The following JAG1 variants were observed in gnomAD, a reference collection of about 807,000 sequenced individuals.
JAG1 encodes the protein protein jagged-1.
JAG1 carries 23 observed loss-of-function variants against 148.7 expected under a neutral mutation model. The observed-to-expected ratio is 0.15, with a 90% CI of 0.11 to 0.22. The LOEUF is 0.22. JAG1 is among the 10% of genes least tolerant of loss of function. JAG1 has a pLI of 1.00. For synonymous variants in JAG1, 572 were observed against 598.3 expected, an observed-to-expected ratio of 0.96 and a Z score of 0.64; for missense variants, 1,054 against 1,611.2, an observed-to-expected ratio of 0.65 and a Z score of 5.92.
At chr20:10,655,900 A>C (rs1157466748) in intron 5 of JAG1, among the ~76,000 whole-genome samples, 1 of 152,146 alleles carries the variant, frequency 6.6e-6, no homozygotes, top group African/African-American at 2.4e-5. Context: ...AACTGACAAG[A>C]TTCCAGGGCA....
At chr20:10,650,622 G>T in intron 8 of JAG1, 1 of 486,072 alleles carries the variant, frequency 2.1e-6, no homozygotes, top group South Asian at 2.1e-5. Flanking sequence ...CGGAGCATCC[G>T]CCCAGGAGGA....
intron 5 of JAG1, among the ~76,000 whole-genome samples, chr20:10,654,902 G>A (rs2122618171): frequency 6.6e-6 from 1 of 152,346 alleles, no homozygotes; most frequent in South Asian, 2.1e-4. Flanking sequence ...GGCCTCCGCT[G>A]ATATCCATCT....
At chr20:10,652,069 T>C (rs2067350533) in intron 7 of JAG1, 62 bp downstream of exon 7, 10 of 1,593,162 alleles carry the variant, frequency 6.3e-6, no homozygotes, top group Non-Finnish European at 7.7e-6. Flanking sequence ...TTAAGTATAT[T>C]TTTTAAAAGC....
intron 7 of JAG1, 109 bp from the exon 8 acceptor site, chr20:10,651,803 A>G: frequency 1.3e-6 from 1 of 761,478 alleles, no homozygotes; most frequent in Non-Finnish European, 2.3e-6. Context: ...AGCATATTTC[A>G]AAAACCAAAA....
intron 2 of JAG1, among the ~76,000 whole-genome samples, chr20:10,666,767 A>C (rs2067456698): frequency 6.6e-6 from 1 of 152,204 alleles, no homozygotes; most frequent in Non-Finnish European, 1.5e-5. Context: ...GCTGGTTCCC[A>C]TTCTGGTGTG....
At chr20:10,642,701 A>T in intron 20 of JAG1, 100 bp from the exon 21 acceptor site, 1 of 774,174 alleles carries the variant, frequency 1.3e-6, no homozygotes, top group Non-Finnish European at 2.3e-6. Context: ...TATCATCATA[A>T]GCTTGATGAA....
At chr20:10,663,905 G>A in intron 3 of JAG1, 58 bp downstream of exon 3, 1 of 1,373,634 alleles carries the variant, frequency 7.3e-7, no homozygotes, top group East Asian at 2.3e-5. Flanking sequence ...CCAACTGGTT[G>A]GCCAAGCCCC....
At chr20:10,647,130 AC>A in intron 13 of JAG1, 27 bp from the exon 14 acceptor site, 1 of 1,613,984 alleles carries the variant, frequency 6.2e-7, no homozygotes, top group Non-Finnish European at 8.5e-7. Context: ...GGATCAGATC[AC>A]AGCCATGCAC....
intron 4 of JAG1, among the ~76,000 whole-genome samples, chr20:10,657,363 A>G (rs892913952): frequency 9.2e-5 from 14 of 151,808 alleles, no homozygotes; most frequent in Admixed American, 2.6e-4. Context: ...AAAAAAAAAA[A>G]AACACCAAAC....
chr20:10,644,527 C>A (rs544785767), intron 18 of JAG1, 143 bp from the exon 19 acceptor site: 2 of 729,188 alleles, frequency 2.7e-6, no homozygotes, highest in Non-Finnish European at 5.0e-6. Flanking sequence ...TAAATTGGAA[C>A]CAGGCCCGCA....
chr20:10,672,567 ACCCCTAGAGATTT>A (rs1444125666), intron 2 of JAG1, 121 bp downstream of exon 2: 22 of 898,720 alleles, frequency 2.4e-5, no homozygotes, highest in Non-Finnish European at 3.7e-5. Flanking sequence ...CTCACCCGCC[ACCCCTAGAGATTT>A]CCCCAGTTAG....
chr20:10,653,819 G>A (rs1185310625), intron 5 of JAG1, among the ~76,000 whole-genome samples: 2 of 152,094 alleles, frequency 1.3e-5, no homozygotes, highest in Non-Finnish European at 2.9e-5. Context: ...AATCACCCAC[G>A]GCTGAGAGTC....
intron 14 of JAG1, chr20:10,646,371 A>T (rs187363342): frequency 4.0e-5 from 18 of 446,456 alleles, no homozygotes; most frequent in African/African-American, 3.0e-4. Context: ...ACCTAGCAAC[A>T]TTCCAGAATG....
In JAG1 at chr20:10,645,469, T is replaced by A. The variant is rs2067302387; in HGVS notation, c.2000A>T (p.Asn667Ile). ...GGGGTTCTGGCTGCAGTCATTAATA[T>A]CTAGAATCAAAGGGGAGACAATCGG... ...DGWEGAYCET[N>I]INDCSQNPCH... Residue 667 changes from asparagine (N) to isoleucine (I), a missense_variant and splice_region_variant, in exon 16 of 26, where the codon AAT (asparagine) becomes ATT (isoleucine). By Grantham distance (149) the Asn-to-Ile change is moderately radical. This residue lies in a region of JAG1 where 35 missense variants were observed against 99.7 expected (regional missense o/e 0.35). Transcript: ENST00000254958. This position sits in a 1 kb window ranked among gnomAD's most constrained non-coding sequence, Gnocchi z 6.1. The A allele has an allele frequency of 6.2e-7, 1 of 1,612,436 alleles. No homozygotes were observed. Among genetic ancestry groups the A allele is most frequent in the African/African-American group, 1.3e-5 (1 of 74,852 alleles).
At chr20:10,643,958 G>A (rs1287178428) in intron 19 of JAG1, 95 bp from the exon 20 acceptor site, 3 of 923,866 alleles carry the variant, frequency 3.2e-6, no homozygotes, top group Admixed American at 3.8e-5. Context: ...ACAGTCAGTG[G>A]CTCTCACCCC....
intron 3 of JAG1, 74 bp from the exon 4 acceptor site, chr20:10,658,796 A>G: frequency 1.4e-6 from 2 of 1,480,132 alleles, no homozygotes; most frequent in Admixed American, 1.7e-5. Context: ...GCTTTTTAAA[A>G]TAAAAACATA....
chr20:10,645,225 G>A lies in JAG1; in HGVS notation c.2145C>T (p.Asn715=). 1 of 1,614,012 alleles carries A rather than the reference G, an allele frequency of 6.2e-7. No homozygotes were observed. The highest frequency in any genetic ancestry group is 1.7e-5 in the Admixed American group (1 of 59,908). Residue 715 remains asparagine (N), a synonymous_variant, in exon 17 of 26, where the codon AAC becomes AAT. Transcript: ENST00000254958. This position sits in a 1 kb window ranked among gnomAD's most constrained non-coding sequence, Gnocchi z 6.1. The part of the protein sequence containing the change: ...RDSQCDEATC[N]NGGTCYDEGD... The stretch of plus-strand genomic sequence containing the variant: ...CCTCATCATAGCAGGTGCCACCGTT[G>A]TTGCACGTGGCCTCATCACACTGAC...
chr20:10,663,632 T>G (rs2067432268), intron 3 of JAG1, among the ~76,000 whole-genome samples: 1 of 152,226 alleles, frequency 6.6e-6, no homozygotes, highest in African/African-American at 2.4e-5. Context: ...AATGGACTTT[T>G]AAAAAGTCAC....
Position 10,639,407 on chromosome 20 carries a change from C to G in JAG1, c.*91G>C. 14 of 1,158,956 alleles carry G rather than the reference C, an allele frequency of 1.2e-5. No homozygotes were observed. The highest frequency in any genetic ancestry group is 1.7e-5 in the Non-Finnish European group (13 of 765,236). 71.8% of individuals were successfully genotyped at this position (1,158,956 alleles called of 1,614,324 possible). The stretch of plus-strand genomic sequence containing the variant: ...TTAAATTAACACAGGGATTCTAAGT[C>G]AGCAACGGCCTCAGACTCGAGTATG... On this transcript the variant is annotated 3_prime_UTR_variant, in exon 26 of 26. Coordinates refer to ENST00000254958, the MANE Select transcript of JAG1 (RefSeq NM_000214.3).
Sources: gnomAD v4.1 joint callset for allele counts (sites outside exome capture counted in the v4.1 genomes callset) on GRCh38, gnomAD v4.1.1 for gene constraint, gnomAD v4.1.1 regional missense constraint, Gnocchi (gnomAD v3.1) non-coding constraint, MANE v1.5 for transcripts, NCBI Gene and HGNC (gene_info 2026-07-23, HGNC 2026-07-21) for gene names.